Variants in MSI1 observed in about 807,000 individuals in gnomAD.
MSI1 encodes the protein RNA-binding protein Musashi homolog 1.
In MSI1, 15 loss-of-function variants were observed where a neutral mutation model predicts 54.4. The observed-to-expected ratio is 0.28, with a 90% CI of 0.18 to 0.42. MSI1 has a LOEUF of 0.42. MSI1 is among the 20% of genes least tolerant of loss of function. The pLI is 1.00. For synonymous variants in MSI1, 200 were observed against 196.5 expected (o/e 1.02, Z -0.15); for missense variants, 304 against 506.0 (o/e 0.60, Z 3.83).
chr12:120,340,840 C>G (rs1873639750), downstream of MSI1, among the ~76,000 whole-genome samples: 3 of 151,838 alleles, frequency 2.0e-5, no homozygotes. Flanking sequence ...GGCTCCCATG[C>G]CATGCACAAC....
chr12:120,364,783 G>A, intron 4 of MSI1, 28 bp from the exon 5 acceptor site: 2 of 1,583,448 alleles, frequency 1.3e-6, no homozygotes, highest in Non-Finnish European at 8.6e-7. Context: ...GGTAGAAGGG[G>A]TCTTGGTTAT....
chr12:120,355,198 G>A (rs982443070), intron 9 of MSI1, among the ~76,000 whole-genome samples: 9 of 151,890 alleles, frequency 5.9e-5, no homozygotes, highest in African/African-American at 1.7e-4. Context: ...GAGGTCAGGA[G>A]ATCAAGACCA....
chr12:120,348,156 C>T (rs552437093), intron 11 of MSI1, among the ~76,000 whole-genome samples: 2 of 138,170 alleles, frequency 1.4e-5, no homozygotes, highest in East Asian at 2.1e-4. Context: ...CCCAAATCCC[C>T]CCAGCCTCTT....
At chr12:120,357,930 C>A in intron 7 of MSI1, 32 bp from the exon 8 acceptor site, 1 of 1,605,322 alleles carries the variant, frequency 6.2e-7, no homozygotes, top group South Asian at 1.1e-5. Context: ...AAGGCAAGGT[C>A]AGAACCAGAG....
At chr12:120,366,417 C>T (rs928815473) in intron 4 of MSI1, among the ~76,000 whole-genome samples, 2 of 152,254 alleles carry the variant, frequency 1.3e-5, no homozygotes, top group Non-Finnish European at 2.9e-5. Context: ...CCCATTTCTC[C>T]CGCCTGAAGT....
At chr12:120,349,272 T>C (rs1380714087) in intron 11 of MSI1, among the ~76,000 whole-genome samples, 1 of 151,980 alleles carries the variant, frequency 6.6e-6, no homozygotes, top group Non-Finnish European at 1.5e-5. Context: ...ATTTTTTTTG[T>C]ATTTTTAGTA....
At chr12:120,350,310 A>G (rs1874485589) in intron 11 of MSI1, among the ~76,000 whole-genome samples, 1 of 152,144 alleles carries the variant, frequency 6.6e-6, no homozygotes. Flanking sequence ...TATAGGCGTG[A>G]ACCACCACGC....
At position 120,363,122 on chromosome 12, in the gene MSI1, G is replaced by C; in HGVS notation, c.323C>G (p.Thr108Arg). Residue 108 changes from threonine to arginine, a missense_variant, in exon 6 of 15, where the codon ACG becomes AGG. Transcript: ENST00000257552. ...RRAQPKMVTR[T>R]KKIFVGGLSV... ...CAGCCCCCCCACAAAGATCTTCTTC[G>C]TTCGAGTCACCATCTGTTAGGGGAG... The C allele has an allele frequency of 6.2e-7, 1 of 1,613,850 alleles. No individual in the cohort carries two copies. Among genetic ancestry groups the C allele is most frequent in the Non-Finnish European group, 8.5e-7 (1 of 1,179,948 alleles).
chr12:120,347,548 G>A (rs751108347), intron 11 of MSI1, 34 bp from the exon 12 acceptor site: 19 of 1,613,400 alleles, frequency 1.2e-5, no homozygotes, highest in South Asian at 4.4e-5. Flanking sequence ...TCAGCATGGC[G>A]GTGAGGGGCA....
chr12:120,362,940 T>C (rs1028036861), intron 6 of MSI1, 103 bp downstream of exon 6: 3 of 1,013,316 alleles, frequency 3.0e-6, no homozygotes, highest in South Asian at 1.4e-5. Flanking sequence ...CCCACTCTCA[T>C]CTTTTGCAGG....
At chr12:120,340,886 C>CTT (rs34926125), downstream of MSI1, among the ~76,000 whole-genome samples, 502 of 119,410 alleles carry the variant, frequency 4.2e-3, 3 homozygotes, top group Middle Eastern at 0.024. Flanking sequence ...TTCTCCTATT[C>CTT]TTTTTTTTTT....
chr12:120,361,449 G>A (rs1051803191), intron 6 of MSI1: 2 of 152,444 alleles, frequency 1.3e-5, no homozygotes, highest in East Asian at 1.9e-4. Context: ...GCCAGGGCAG[G>A]GGGCAAGGAA....
In MSI1 at chr12:120,368,944, G is replaced by T; in HGVS notation, c.60-71C>A. 8.0e-7 allele frequency: 1 copy of T among 1,250,192 alleles called. No homozygotes were observed. The allele number at this position is 1,250,192 out of a possible 1,614,324, so 77.4% of individuals were successfully genotyped here. On this transcript the variant is annotated intron_variant, in intron 1 of 14. Transcript: ENST00000257552. This position sits in a 1 kb window ranked among gnomAD's most constrained non-coding sequence, Gnocchi z 6.6. ...GCCAGGGCGCAGGGGGCGCGGGCCCGGGCTCCGGGGAGGCCCGGCCGGACC... is the reference window on the plus strand; with the variant it reads ...GCCAGGGCGCAGGGGGCGCGGGCCCTGGCTCCGGGGAGGCCCGGCCGGACC...
At chr12:120,367,023 A>T (rs904716876) in intron 4 of MSI1, among the ~76,000 whole-genome samples, 1 of 152,298 alleles carries the variant, frequency 6.6e-6, no homozygotes, top group Non-Finnish European at 1.5e-5. Context: ...AGAGCCGGCA[A>T]AGTTGAGGCC....
At chr12:120,358,026 C>G in intron 7 of MSI1, 128 bp from the exon 8 acceptor site, 1 of 754,684 alleles carries the variant, frequency 1.3e-6, no homozygotes, top group East Asian at 2.7e-5. Flanking sequence ...AGGCTCTGCT[C>G]ACAGCCTGGA....
chr12:120,339,713 G>A (rs138939769), downstream of MSI1, among the ~76,000 whole-genome samples: 5 of 151,906 alleles, frequency 3.3e-5, no homozygotes, highest in Non-Finnish European at 7.4e-5. Flanking sequence ...GGAAGGAAAG[G>A]CAACATCCTT....
intron 14 of MSI1, among the ~76,000 whole-genome samples, chr12:120,344,899 C>T (rs1019680904): frequency 4.6e-5 from 7 of 151,734 alleles, no homozygotes; most frequent in African/African-American, 1.7e-4. Context: ...GCCTGTAATC[C>T]CAGCTACTCG....
chr12:120,359,457 C>T (rs1170855338), intron 6 of MSI1, among the ~76,000 whole-genome samples: 2 of 152,196 alleles, frequency 1.3e-5, no homozygotes, highest in Non-Finnish European at 2.9e-5. Context: ...GAAGCAAAAG[C>T]CTCATCCCTT....
chr12:120,352,876 G>A (rs1874747785), intron 10 of MSI1, among the ~76,000 whole-genome samples: 1 of 152,144 alleles, frequency 6.6e-6, no homozygotes. Flanking sequence ...TAGGGTCTCA[G>A]CATAATACCT....
Sources: gnomAD v4.1 joint callset for allele counts (sites outside exome capture counted in the v4.1 genomes callset) on GRCh38, gnomAD v4.1.1 for gene constraint, Gnocchi (gnomAD v3.1) non-coding constraint, MANE v1.5 for transcripts, NCBI Gene and HGNC (gene_info 2026-07-23, HGNC 2026-07-21) for gene names.